RAPGEF6: variants seen among roughly 807,000 people sequenced by gnomAD.
RAPGEF6 encodes Rap guanine nucleotide exchange factor 6.
A neutral mutation model predicts 171.4 loss-of-function variants in RAPGEF6; 56 were observed. That is an observed-to-expected ratio of 0.33 (90% CI 0.26 to 0.41). RAPGEF6 has a LOEUF of 0.41. RAPGEF6 is among the 10% of genes least tolerant of loss of function. The pLI is 1.00. For synonymous variants in RAPGEF6, 692 were observed against 650.1 expected (o/e 1.06, Z -0.98); for missense variants, 1,674 against 1,921.4 (o/e 0.87, Z 2.41).
At chr5:131,521,828 G>C (rs552034014) in intron 6 of RAPGEF6, among the ~76,000 whole-genome samples, 1 of 132,272 alleles carries the variant, frequency 7.6e-6, no homozygotes, top group South Asian at 2.8e-4. Flanking sequence ...TTTAAGGGTA[G>C]GAATGTTACC....
Position 131,439,718 on chromosome 5 carries a change from A to G in RAPGEF6, c.3611-3T>C, listed in dbSNP as rs1752255583. The G allele has an allele frequency of 2.5e-6, 4 of 1,608,736 alleles. No individual in the cohort carries two copies. Among genetic ancestry groups the G allele is most frequent in the African/African-American group, 1.3e-5 (1 of 74,710 alleles). On this transcript the variant is annotated splice_polypyrimidine_tract_variant and splice_region_variant and intron_variant, in intron 23 of 27. Coordinates refer to ENST00000509018, the MANE Select transcript of RAPGEF6 (RefSeq NM_016340.6). ...AACTTTCTGAGGTAAACTTGTATCT[A>G]AAAATAAAACCAAAGATGCAAATAA... is the stretch of plus-strand genomic sequence containing the variant.
chr5:131,623,596 C>T (rs1456706370), intron 1 of RAPGEF6, among the ~76,000 whole-genome samples: 1 of 148,328 alleles, frequency 6.7e-6, no homozygotes, highest in African/African-American at 2.5e-5. Flanking sequence ...AGCGACTCTT[C>T]TGCCTCGGCC....
intron 17 of RAPGEF6, among the ~76,000 whole-genome samples, chr5:131,465,412 G>A (rs1296849219): frequency 6.6e-6 from 1 of 152,002 alleles, no homozygotes; most frequent in Non-Finnish European, 1.5e-5. Flanking sequence ...AGTGAAAAGT[G>A]ACTTTATAGC....
At chr5:131,479,947 A>C (rs1263857869) in intron 15 of RAPGEF6, among the ~76,000 whole-genome samples, 194 bp from the exon 16 acceptor site, 2 of 152,042 alleles carry the variant, frequency 1.3e-5, no homozygotes, top group African/African-American at 4.8e-5. Context: ...TTTATACCTG[A>C]TTATACTTCT....
At chr5:131,622,989 T>C (rs1438031137) in intron 1 of RAPGEF6, among the ~76,000 whole-genome samples, 1 of 152,188 alleles carries the variant, frequency 6.6e-6, no homozygotes, top group Non-Finnish European at 1.5e-5. Context: ...TAAATGGTTA[T>C]ACTAAATTTT....
intron 7 of RAPGEF6, among the ~76,000 whole-genome samples, chr5:131,511,026 GACTGA>G (rs1282527719): frequency 6.6e-6 from 1 of 152,074 alleles, no homozygotes; most frequent in Non-Finnish European, 1.5e-5. Flanking sequence ...CATCGTAAAG[GACTGA>G]ACAAATACTC....
intron 4 of RAPGEF6, among the ~76,000 whole-genome samples, chr5:131,566,920 C>T (rs1321497884): frequency 1.3e-5 from 2 of 151,714 alleles, no homozygotes; most frequent in Admixed American, 6.6e-5. Context: ...ACCAGCCTGG[C>T]CTGTCTCTAC....
intron 17 of RAPGEF6, among the ~76,000 whole-genome samples, chr5:131,469,117 A>G (rs1754575470): frequency 6.6e-6 from 1 of 152,240 alleles, no homozygotes; most frequent in South Asian, 2.1e-4. Context: ...AGAACAACAC[A>G]CCTTGAAACA....
intron 24 of RAPGEF6, chr5:131,436,513 ATGCATGG>A: frequency 1.2e-6 from 1 of 829,114 alleles, no homozygotes; most frequent in Non-Finnish European, 1.8e-6. Context: ...ATATTTTTTA[ATGCATGG>A]AAAAAAATCT....
rs1160250607 is a variant in RAPGEF6, at chr5:131,425,598, T to C, written c.*1668A>G. ...GCTTAAGTTTCAGATTAATGTTTCT[T>C]TACCACAGGAATTTTTGAAATGCTA... On this transcript the variant is annotated 3_prime_UTR_variant, in exon 28 of 28. Coordinates refer to ENST00000509018, the MANE Select transcript of RAPGEF6 (RefSeq NM_016340.6). The C allele has an allele frequency of 1.3e-5, 2 of 152,348 alleles. No homozygotes were observed. The highest frequency in any genetic ancestry group is 2.9e-5 in the Non-Finnish European group (2 of 68,036). The allele number at this position is 152,348 out of a possible 1,614,324, so 9.4% of individuals were successfully genotyped here.
chr5:131,593,580 T>C (rs1315258926), intron 3 of RAPGEF6, among the ~76,000 whole-genome samples: 2 of 152,226 alleles, frequency 1.3e-5, no homozygotes, highest in Non-Finnish European at 2.9e-5. Context: ...TGAATGCTTT[T>C]GACCAAAATA....
At chr5:131,541,263 T>A (rs916942424) in intron 6 of RAPGEF6, among the ~76,000 whole-genome samples, 11 of 152,170 alleles carry the variant, frequency 7.2e-5, no homozygotes, top group African/African-American at 2.7e-4. Context: ...GAGCTGAACA[T>A]GACTTTGTCA....
At chr5:131,451,864 C>A (rs1214831126) in intron 21 of RAPGEF6, among the ~76,000 whole-genome samples, 1 of 152,056 alleles carries the variant, frequency 6.6e-6, no homozygotes, top group African/African-American at 2.4e-5. Context: ...TGAAGCTATA[C>A]ACATAGGCCC....
chr5:131,596,595 CAGACCAATA>C (rs1321094077), intron 3 of RAPGEF6, among the ~76,000 whole-genome samples: 1 of 152,018 alleles, frequency 6.6e-6, no homozygotes, highest in East Asian at 1.9e-4. Context: ...GACATAAAAA[CAGACCAATA>C]GAGCAGAATG....
intron 1 of RAPGEF6, among the ~76,000 whole-genome samples, chr5:131,613,457 A>ATG (rs1554087489): frequency 6.6e-6 from 1 of 151,694 alleles, no homozygotes; most frequent in Non-Finnish European, 1.5e-5. Flanking sequence ...ATATATATAT[A>ATG]TATGTATGTA....
Position 131,429,072 on chromosome 5 carries a change from T to G in RAPGEF6, c.4610A>C (p.Gln1537Pro), listed in dbSNP as rs1244992282. 3.1e-6 allele frequency: 5 copies of G among 1,614,094 alleles called. No homozygotes were observed. Among genetic ancestry groups the G allele is most frequent in the Non-Finnish European group, 4.2e-6 (5 of 1,180,038 alleles). The change falls in exon 27 of 28, where the codon CAG becomes CCG. Residue 1537 changes from glutamine to proline, a missense_variant. This residue lies in a region of RAPGEF6 where 552 missense variants were observed against 574.2 expected (regional missense o/e 0.96). Transcript: ENST00000509018. The stretch of plus-strand genomic sequence containing the variant: ...GCTGTTATGCATCATCTTTGACCTC[T>G]GCACTGCCACACTATAATCTGGAGG... ...LKPPDYSVAV[Q>P]RSKMMHNSLS...
chr5:131,554,557 T>G (rs891893364), intron 5 of RAPGEF6, among the ~76,000 whole-genome samples: 1 of 152,244 alleles, frequency 6.6e-6, no homozygotes, highest in Non-Finnish European at 1.5e-5. Context: ...TCTCACCCTG[T>G]TGCCCAGGCT....
intron 1 of RAPGEF6, among the ~76,000 whole-genome samples, chr5:131,625,035 G>A (rs896102296): frequency 1.3e-5 from 2 of 152,066 alleles, no homozygotes; most frequent in African/African-American, 2.4e-5. Context: ...AGGCCGAGGC[G>A]GGCAGATCAT....
chr5:131,612,863 G>A (rs937670300), intron 1 of RAPGEF6, among the ~76,000 whole-genome samples: 5 of 152,076 alleles, frequency 3.3e-5, no homozygotes, highest in Non-Finnish European at 7.4e-5. Context: ...ATATGAGAAA[G>A]AATTAGAAAT....
Sources: gnomAD v4.1 joint callset for allele counts (sites outside exome capture counted in the v4.1 genomes callset) on GRCh38, gnomAD v4.1.1 for gene constraint, gnomAD v4.1.1 regional missense constraint, MANE v1.5 for transcripts, NCBI Gene and HGNC (gene_info 2026-07-23, HGNC 2026-07-21) for gene names.